DNAAF19: variants seen among roughly 807,000 people sequenced by gnomAD.
The protein encoded by DNAAF19 is coiled-coil domain containing 103.
At chr17:44,901,724 T>C in the DNAAF19 span, 2 of 1,493,188 alleles carry the variant, frequency 1.3e-6, no homozygotes, top group Non-Finnish European at 9.0e-7. Flanking sequence ...TTTTTCATTT[T>C]GTTTTGTTTT....
chr17:44,902,645 C>CAG, the DNAAF19 span: 7 of 1,613,958 alleles, frequency 4.3e-6, no homozygotes, highest in Admixed American at 1.7e-5. Flanking sequence ...CTGAGCCGGG[C>CAG]AGAGAGAGAG....
chr17:44,904,006 G>A, the DNAAF19 span: 1 of 1,550,660 alleles, frequency 6.4e-7, no homozygotes, highest in Non-Finnish European at 8.7e-7. Flanking sequence ...AACCCGAAGA[G>A]GTGCCAGCTG....
At chr17:44,903,787 C>G in the DNAAF19 span, 1 of 1,515,630 alleles carries the variant, frequency 6.6e-7, no homozygotes, top group Non-Finnish European at 8.8e-7. Flanking sequence ...GCCTTTAATG[C>G]CCTGGTTTTG....
At chr17:44,904,896 G>T in the DNAAF19 span, 6 of 1,550,522 alleles carry the variant, frequency 3.9e-6, no homozygotes, top group Non-Finnish European at 5.2e-6. Context: ...GCTGGCTTCC[G>T]GCTGGGTGTG....
chr17:44,901,602 CA>C, the DNAAF19 span: 1 of 1,614,186 alleles, frequency 6.2e-7, no homozygotes, highest in Non-Finnish European at 8.5e-7. Flanking sequence ...CTGGAACTGT[CA>C]CACTATTCAG....
the DNAAF19 span, chr17:44,902,642 G>A: frequency 4.5e-5 from 72 of 1,614,182 alleles, no homozygotes; most frequent in East Asian, 2.5e-4. Context: ...CTGCTGAGCC[G>A]GGCAGAGAGA....
the DNAAF19 span, chr17:44,904,894 C>T: frequency 6.4e-7 from 1 of 1,550,550 alleles, no homozygotes; most frequent in Non-Finnish European, 8.7e-7. Flanking sequence ...TTGCTGGCTT[C>T]CGGCTGGGTG....
chr17:44,901,480 G>T, the DNAAF19 span: 1 of 1,612,252 alleles, frequency 6.2e-7, no homozygotes. Flanking sequence ...CACAGACACA[G>T]CATTAAGTCC....
At chr17:44,902,133 T>C in the DNAAF19 span, among the ~76,000 whole-genome samples, 1 of 152,156 alleles carries the variant, frequency 6.6e-6, no homozygotes, top group Non-Finnish European at 1.5e-5. Context: ...AGTAGGAAAA[T>C]TCCAGTATAA....
the DNAAF19 span, among the ~76,000 whole-genome samples, chr17:44,900,819 C>G: frequency 6.6e-6 from 1 of 152,216 alleles, no homozygotes; most frequent in African/African-American, 2.4e-5. Flanking sequence ...CTGTGAAATT[C>G]AACTTGTCTT....
the DNAAF19 span, chr17:44,901,041 G>A: frequency 1.9e-6 from 3 of 1,599,794 alleles, no homozygotes; most frequent in Non-Finnish European, 2.5e-6. Flanking sequence ...TTTGGAGAAA[G>A]AGCTGCAGGC....
the DNAAF19 span, chr17:44,902,952 A>C: frequency 7.0e-7 from 1 of 1,433,272 alleles, no homozygotes; most frequent in South Asian, 1.5e-5. Flanking sequence ...CAGAGCAAAA[A>C]CAGGAATCAA....
At chr17:44,903,717 G>A in the DNAAF19 span, 4 of 1,444,596 alleles carry the variant, frequency 2.8e-6, no homozygotes, top group Non-Finnish European at 3.6e-6. Flanking sequence ...TTTCCTGGCT[G>A]CATAATCCTT....
chr17:44,903,691 G>A, the DNAAF19 span: 1 of 1,437,920 alleles, frequency 7.0e-7, no homozygotes, highest in Non-Finnish European at 9.1e-7. Flanking sequence ...GGCTTCCTCT[G>A]CAGATTGTTG....
chr17:44,903,603 C>T, the DNAAF19 span: 4 of 1,405,566 alleles, frequency 2.8e-6, no homozygotes, highest in Non-Finnish European at 3.7e-6. Context: ...GGCTTTCCCC[C>T]CCCACCCTGA....
At chr17:44,903,687 C>G in the DNAAF19 span, 1 of 1,437,170 alleles carries the variant, frequency 7.0e-7, no homozygotes, top group Non-Finnish European at 9.1e-7. Context: ...TGGCGGCTTC[C>G]TCTGCAGATT....
At chr17:44,903,838 G>C in the DNAAF19 span, 1 of 1,549,464 alleles carries the variant, frequency 6.5e-7, no homozygotes, top group South Asian at 1.2e-5. Context: ...GTATGCACCT[G>C]GCCCTCACCA....
chr17:44,904,044 G>T, the DNAAF19 span: 1 of 1,550,616 alleles, frequency 6.4e-7, no homozygotes, highest in Non-Finnish European at 8.7e-7. Flanking sequence ...AAGCACCTAG[G>T]TAGCAGCCAC....
chr17:44,902,567 G>C, the DNAAF19 span: 1 of 1,614,200 alleles, frequency 6.2e-7, no homozygotes, highest in South Asian at 1.1e-5. Context: ...CCGGCTGACC[G>C]GGCAGCGGTG....
Sources: allele counts gnomAD v4.1 joint callset (sites outside exome capture counted in the v4.1 genomes callset), GRCh38; gene constraint gnomAD v4.1.1; transcripts MANE v1.5; gene names NCBI Gene and HGNC (gene_info 2026-07-23, HGNC 2026-07-21).